The following TRHR variants were observed in gnomAD, a reference collection of about 807,000 sequenced individuals.
The protein encoded by TRHR is thyrotropin releasing hormone receptor.
A neutral mutation model predicts 28.0 loss-of-function variants in TRHR; 14 were observed. The ratio of observed to expected loss-of-function variants is 0.50; its 90% CI spans 0.33 to 0.78. The LOEUF is 0.78. TRHR is among the 30% of genes least tolerant of loss of function. The pLI, the probability that TRHR is intolerant of heterozygous loss-of-function variation, is 0.02. For synonymous variants in TRHR, 176 were observed against 171.9 expected, an observed-to-expected ratio of 1.02 and a Z score of -0.18; for missense variants, 438 against 469.5, an observed-to-expected ratio of 0.93 and a Z score of 0.62.
chr8:109,098,357 C>G (rs1293290171), intron 2 of TRHR, among the ~76,000 whole-genome samples: 1 of 151,960 alleles, frequency 6.6e-6, no homozygotes, highest in Non-Finnish European at 1.5e-5. Context: ...CTCTCAAACT[C>G]CTGGGCTCAA....
chr8:109,096,889 T>A (rs1645974962), intron 2 of TRHR, among the ~76,000 whole-genome samples: 1 of 152,194 alleles, frequency 6.6e-6, no homozygotes, highest in Non-Finnish European at 1.5e-5. Flanking sequence ...AGTCCAACAC[T>A]CTATTTTGCT....
At chr8:109,098,043 T>A (rs1478745784) in intron 2 of TRHR, among the ~76,000 whole-genome samples, 1 of 152,192 alleles carries the variant, frequency 6.6e-6, no homozygotes, top group Non-Finnish European at 1.5e-5. Context: ...CCAGTTCCAC[T>A]GTGTCCTCTC....
At chr8:109,105,218 G>T (rs1811731618) in intron 2 of TRHR, among the ~76,000 whole-genome samples, 2 of 152,124 alleles carry the variant, frequency 1.3e-5, no homozygotes, top group East Asian at 3.9e-4. Context: ...TAAGTTCATG[G>T]TCACCCATTC....
intron 2 of TRHR, among the ~76,000 whole-genome samples, chr8:109,112,082 A>T (rs1375923443): frequency 3.3e-5 from 5 of 152,180 alleles, no homozygotes; most frequent in Non-Finnish European, 1.5e-5. Context: ...TCAGAGGCAG[A>T]AAAGGACTGT....
chr8:109,094,622 T>C (rs369687622), intron 2 of TRHR, among the ~76,000 whole-genome samples: 4 of 152,076 alleles, frequency 2.6e-5, no homozygotes, highest in African/African-American at 4.8e-5. Context: ...ACATATCCTA[T>C]AAGTTGACTA....
In TRHR at chr8:109,092,939, G is replaced by A. The variant is rs183584106; in HGVS notation, c.789+4638G>A. On this transcript the variant is annotated intron_variant, in intron 2 of 2. Coordinates refer to ENST00000518632, the MANE Select transcript of TRHR (RefSeq NM_003301.7). ...TACCGCTTTTCTTATGTTTTCACTG[G>A]ATCTTTTTTTTTTTTAAACACAATT... 9.9e-5 allele frequency among the ~76,000 whole-genome samples: 15 copies of A among 151,576 alleles called. No individual in the cohort carries two copies. In the East Asian group the frequency reaches 2.9e-3, roughly 29 times the overall value.
intron 2 of TRHR, among the ~76,000 whole-genome samples, chr8:109,094,226 C>G (rs977436506): frequency 3.6e-5 from 5 of 140,722 alleles, no homozygotes; most frequent in Non-Finnish European, 7.6e-5. Flanking sequence ...AGGCTACAGG[C>G]TCATCTTTCA....
At chr8:109,112,355 C>T (rs1811847379) in intron 2 of TRHR, among the ~76,000 whole-genome samples, 1 of 152,056 alleles carries the variant, frequency 6.6e-6, no homozygotes, top group South Asian at 2.1e-4. Flanking sequence ...TTATGACTCC[C>T]TAGGCAAACT....
intron 2 of TRHR, among the ~76,000 whole-genome samples, chr8:109,114,160 T>A (rs937278074): frequency 6.6e-6 from 1 of 152,056 alleles, no homozygotes; most frequent in East Asian, 1.9e-4. Flanking sequence ...GAGTTTGGTA[T>A]CAAAATTTCC....
intron 2 of TRHR, among the ~76,000 whole-genome samples, chr8:109,115,154 G>A (rs1419966044): frequency 3.3e-5 from 5 of 152,052 alleles, no homozygotes; most frequent in Non-Finnish European, 7.4e-5. Context: ...TGAGGGCTCT[G>A]TTCTGTTCCA....
chr8:109,096,765 G>C (rs1811599748), intron 2 of TRHR, among the ~76,000 whole-genome samples: 1 of 152,006 alleles, frequency 6.6e-6, no homozygotes, highest in African/African-American at 2.4e-5. Context: ...GTGTTTGTGT[G>C]TATGTATATA....
intron 2 of TRHR, among the ~76,000 whole-genome samples, chr8:109,105,003 A>G (rs572690166): frequency 6.6e-6 from 1 of 152,236 alleles, no homozygotes; most frequent in South Asian, 2.1e-4. Context: ...TTATCTAACA[A>G]TATAATCCAG....
At position 109,119,401 on chromosome 8, in the gene TRHR, AGT is replaced by A. The variant is rs772134280; in HGVS notation, c.1146_1147del (p.Ser383PhefsTer2). ...VTDTYLSATK[V>X]SFDDTCLASE... is the part of the protein sequence containing the mutation. ...CTGACACTTACCTGTCTGCCACAAAAGTGTCTTTTGATGACACCTGCTTGGCT... is the reference window on the plus strand; with the variant it reads ...CTGACACTTACCTGTCTGCCACAAAAGTCTTTTGATGACACCTGCTTGGCT... On this transcript the variant is annotated frameshift_variant, in exon 3 of 3. Transcript: ENST00000518632. LOFTEE classifies it high-confidence loss of function. The A allele has an allele frequency of 1.2e-6, 2 of 1,612,414 alleles. No homozygotes were observed. Among genetic ancestry groups the A allele is most frequent in the South Asian group, 2.2e-5 (2 of 91,034 alleles).
chr8:109,103,638 G>T (rs1811709537), intron 2 of TRHR, among the ~76,000 whole-genome samples: 1 of 152,090 alleles, frequency 6.6e-6, no homozygotes, highest in Non-Finnish European at 1.5e-5. Context: ...TTCCTTAGGG[G>T]AGCTCTCCCA....
intron 2 of TRHR, among the ~76,000 whole-genome samples, chr8:109,089,216 TA>T (rs1315287742): frequency 6.6e-6 from 1 of 151,896 alleles, no homozygotes; most frequent in Non-Finnish European, 1.5e-5. Context: ...CCTTCTTTGT[TA>T]AACATAATGA....
rs562125970 is a variant in TRHR at position 109,118,047 on chromosome 8, A to G, written c.790-1001A>G. Among the ~76,000 whole-genome samples the G allele has an allele frequency of 2.0e-5, 3 of 152,022 alleles. No homozygotes were observed. In the East Asian group the frequency reaches 5.8e-4, roughly 30 times the overall value. On this transcript the variant is annotated intron_variant, in intron 2 of 2. Coordinates refer to ENST00000518632, the MANE Select transcript of TRHR (RefSeq NM_003301.7). ...ATTGCTTATACTTAGGAGTGGCTTC[A>G]GCATTAGGTAAAATTCCAGCATTTG...
At chr8:109,118,877 T>C (rs1273684669) in intron 2 of TRHR, among the ~76,000 whole-genome samples, 171 bp from the exon 3 acceptor site, 1 of 151,874 alleles carries the variant, frequency 6.6e-6, no homozygotes. Flanking sequence ...AGCATTCTAA[T>C]TGATAACCCT....
intron 2 of TRHR, among the ~76,000 whole-genome samples, chr8:109,113,304 G>A (rs942303829): frequency 2.6e-5 from 4 of 152,096 alleles, no homozygotes; most frequent in African/African-American, 9.7e-5. Flanking sequence ...GATATGTTAT[G>A]TTGAGAATGG....
At chr8:109,118,154 C>T (rs1049830272) in intron 2 of TRHR, among the ~76,000 whole-genome samples, 3 of 151,966 alleles carry the variant, frequency 2.0e-5, no homozygotes, top group East Asian at 1.9e-4. Context: ...TAATCCCAGC[C>T]CTGAGACTCT....
Sources: allele counts gnomAD v4.1 joint callset (sites outside exome capture counted in the v4.1 genomes callset), GRCh38; gene constraint gnomAD v4.1.1; transcripts MANE v1.5; gene names NCBI Gene and HGNC (gene_info 2026-07-23, HGNC 2026-07-21).